The following BBS9 variants were observed in gnomAD, a reference collection of about 807,000 sequenced individuals.
BBS9 encodes protein PTHB1.
Under a neutral mutation model 117.7 loss-of-function variants are expected in BBS9, and 89 were observed. That is an observed-to-expected ratio of 0.76 (90% CI 0.64 to 0.90). The LOEUF is 0.90. BBS9 is among the 40% of genes least tolerant of loss of function. The pLI is 0.00. For synonymous variants in BBS9, 379 were observed against 370.9 expected, an observed-to-expected ratio of 1.02 and a Z score of -0.25; for missense variants, 982 against 1,042.2, an observed-to-expected ratio of 0.94 and a Z score of 0.80.
intron 21 of BBS9, among the ~76,000 whole-genome samples, chr7:33,622,906 A>G (rs998662825): frequency 1.3e-5 from 2 of 152,230 alleles, no homozygotes; most frequent in Admixed American, 1.3e-4. Context: ...TCAACCATAC[A>G]GAAAAGTCAA....
chr7:33,163,362 A>T (rs1795165835), intron 4 of BBS9, among the ~76,000 whole-genome samples: 1 of 152,132 alleles, frequency 6.6e-6, no homozygotes, highest in Non-Finnish European at 1.5e-5. Context: ...GTTAGGGAAG[A>T]TTCCCTCTTT....
intron 19 of BBS9, among the ~76,000 whole-genome samples, chr7:33,489,262 G>A (rs563619418): frequency 1.3e-5 from 2 of 150,674 alleles, no homozygotes; most frequent in East Asian, 2.0e-4. Flanking sequence ...CTAAAGTGCT[G>A]GAATTACAGG....
chr7:33,603,115 T>C (rs1208982934), intron 21 of BBS9, among the ~76,000 whole-genome samples: 1 of 152,158 alleles, frequency 6.6e-6, no homozygotes, highest in Non-Finnish European at 1.5e-5. Context: ...TCAAACTCGC[T>C]CTCATCTGTT....
intron 19 of BBS9, among the ~76,000 whole-genome samples, chr7:33,391,673 G>C (rs1030777745): frequency 2.0e-5 from 3 of 151,870 alleles, no homozygotes; most frequent in South Asian, 2.1e-4. Flanking sequence ...TATGACTTGC[G>C]TATGTACACA....
At position 33,400,412 on chromosome 7, in the gene BBS9, T is replaced by C. The variant is rs1380908083; in HGVS notation, c.2115+12268T>C. On this transcript the variant is annotated intron_variant, in intron 19 of 22. Coordinates refer to ENST00000242067, the MANE Select transcript of BBS9 (RefSeq NM_198428.3). ...ATTGTATGAGGATTTCTTTCATTTC[T>C]GTTATCTATCTTCCTGTTTAATCCC... Among the ~76,000 whole-genome samples, 4 of 152,202 alleles carry C rather than the reference T, an allele frequency of 2.6e-5. No homozygotes were observed. In the East Asian group the frequency reaches 7.7e-4, roughly 29 times the overall value.
At chr7:33,615,952 G>T (rs1340118643) in intron 21 of BBS9, among the ~76,000 whole-genome samples, 2 of 152,102 alleles carry the variant, frequency 1.3e-5, no homozygotes, top group East Asian at 3.9e-4. Flanking sequence ...CCTGCAAAAT[G>T]ATCCTTCAAA....
intron 19 of BBS9, chr7:33,390,252 G>C: frequency 1.0e-6 from 1 of 985,208 alleles, no homozygotes; most frequent in Non-Finnish European, 1.2e-6. Context: ...ATGGTGGAAG[G>C]GCATTTAAAG....
At chr7:33,159,458 C>T (rs937544465) in intron 4 of BBS9, among the ~76,000 whole-genome samples, 3 of 152,126 alleles carry the variant, frequency 2.0e-5, no homozygotes, top group African/African-American at 7.2e-5. Context: ...TCCTTAAGAT[C>T]TTAGTTTGAT....
At chr7:33,347,915 A>G (rs375968661) in intron 12 of BBS9, among the ~76,000 whole-genome samples, 6 of 152,116 alleles carry the variant, frequency 3.9e-5, no homozygotes, top group African/African-American at 4.8e-5. Context: ...TACCATATAG[A>G]ATGGTGGTTT....
At chr7:33,170,220 C>T (rs1189364466) in intron 4 of BBS9, among the ~76,000 whole-genome samples, 5 of 149,954 alleles carry the variant, frequency 3.3e-5, no homozygotes, top group Non-Finnish European at 5.9e-5. Context: ...ACTGGCAAAC[C>T]GAATCCAGCA....
intron 20 of BBS9, among the ~76,000 whole-genome samples, chr7:33,514,995 A>G (rs953221365): frequency 6.6e-6 from 1 of 152,188 alleles, no homozygotes; most frequent in Non-Finnish European, 1.5e-5. Context: ...GATAAAGTAC[A>G]TGAAGTTCCA....
At chr7:33,363,885 G>T (rs548324377) in intron 16 of BBS9, among the ~76,000 whole-genome samples, 1 of 151,442 alleles carries the variant, frequency 6.6e-6, no homozygotes, top group East Asian at 1.9e-4. Flanking sequence ...GTGCATTCTT[G>T]AGATAAATTA....
intron 20 of BBS9, among the ~76,000 whole-genome samples, chr7:33,528,961 C>T (rs186146945): frequency 3.9e-5 from 6 of 152,234 alleles, no homozygotes; most frequent in Non-Finnish European, 7.3e-5. Flanking sequence ...CTTGCTTGAT[C>T]TGGTATTTAG....
intron 9 of BBS9, among the ~76,000 whole-genome samples, chr7:33,316,411 A>G (rs531039054): frequency 3.7e-4 from 55 of 148,682 alleles, no homozygotes; most frequent in African/African-American, 1.3e-3. Flanking sequence ...TGGCTAAATG[A>G]TGAGGAGAAG....
intron 16 of BBS9, among the ~76,000 whole-genome samples, chr7:33,366,332 G>A (rs1017103030): frequency 1.5e-4 from 23 of 152,030 alleles, no homozygotes; most frequent in African/African-American, 5.3e-4. Flanking sequence ...TAGGTATGCC[G>A]ATATAACCAG....
At chr7:33,521,917 C>T (rs1159141370) in intron 20 of BBS9, among the ~76,000 whole-genome samples, 1 of 120,094 alleles carries the variant, frequency 8.3e-6, no homozygotes, top group African/African-American at 3.2e-5. Flanking sequence ...CCACCACAGT[C>T]CCCAGAGTGT....
chr7:33,153,263 T>G (rs1793628905), intron 3 of BBS9, among the ~76,000 whole-genome samples: 2 of 152,220 alleles, frequency 1.3e-5, no homozygotes, highest in Admixed American at 1.3e-4. Flanking sequence ...GGGGTAGAGA[T>G]GCCCTATCGT....
intron 9 of BBS9, among the ~76,000 whole-genome samples, chr7:33,314,784 A>G (rs996763397): frequency 3.3e-5 from 5 of 152,218 alleles, no homozygotes; most frequent in Non-Finnish European, 7.3e-5. Context: ...GTTGACACAC[A>G]TGCACAAAAA....
At chr7:33,566,306 A>AAC (rs1563371306) in intron 21 of BBS9, among the ~76,000 whole-genome samples, 1 of 128,826 alleles carries the variant, frequency 7.8e-6, no homozygotes. Context: ...ATATGCATGT[A>AAC]ATATATATAT....
Sources: gnomAD v4.1 joint callset for allele counts (sites outside exome capture counted in the v4.1 genomes callset) on GRCh38, gnomAD v4.1.1 for gene constraint, MANE v1.5 for transcripts, NCBI Gene and HGNC (gene_info 2026-07-23, HGNC 2026-07-21) for gene names.